The following SLC29A4 variants were observed in gnomAD, a reference collection of about 807,000 sequenced individuals.
The protein encoded by SLC29A4 is equilibrative nucleoside transporter 4.
Under a neutral mutation model 43.9 loss-of-function variants are expected in SLC29A4, and 36 were observed. The observed-to-expected ratio is 0.82, with a 90% CI of 0.63 to 1.08. SLC29A4 has a LOEUF of 1.08. SLC29A4 is among the 50% of genes least tolerant of loss of function. The pLI is 0.00. For missense variants in SLC29A4, 869 were observed against 755.3 expected, an observed-to-expected ratio of 1.15 and a Z score of -1.77; for synonymous variants, 491 against 338.0, an observed-to-expected ratio of 1.45 and a Z score of -4.97.
In SLC29A4 at chr7:5,291,940, A is replaced by C; in HGVS notation, c.544+119A>C. On this transcript the variant is annotated intron_variant, in intron 5 of 10. Transcript: ENST00000396872. ...ATGGGAACCGGGCTGGCTGGGTGCC[A>C]GGTGTGTGTCCACCTGCATGCCAGC... is the stretch of plus-strand genomic sequence containing the variant. The C allele has an allele frequency of 2.8e-6, 4 of 1,416,120 alleles. No homozygotes were observed. In the South Asian group the frequency reaches 5.6e-5, roughly 20 times the overall value. The allele number at this position is 1,416,120 out of a possible 1,614,324, so 87.7% of individuals were successfully genotyped here.
intron 7 of SLC29A4, among the ~76,000 whole-genome samples, 157 bp from the exon 8 acceptor site, chr7:5,298,831 C>T (rs1431233825): frequency 2.0e-5 from 3 of 152,100 alleles, no homozygotes; most frequent in Admixed American, 1.3e-4. Flanking sequence ...AGTGAGAGAC[C>T]TTGATAAAGT....
At chr7:5,295,894 C>G (rs1421692413) in intron 6 of SLC29A4, among the ~76,000 whole-genome samples, 1 of 152,114 alleles carries the variant, frequency 6.6e-6, no homozygotes, top group Non-Finnish European at 1.5e-5. Context: ...AAGGGCCGCG[C>G]AGAAAAGACA....
intron 10 of SLC29A4, among the ~76,000 whole-genome samples, chr7:5,301,985 C>CA (rs1786199672): frequency 1.3e-5 from 2 of 152,116 alleles, no homozygotes; most frequent in African/African-American, 2.4e-5. Context: ...GAGTCTTGCT[C>CA]TGTTCCCCAG....
chr7:5,292,414 T>A (rs1226270331), intron 5 of SLC29A4, among the ~76,000 whole-genome samples: 1 of 151,998 alleles, frequency 6.6e-6, no homozygotes, highest in East Asian at 1.9e-4. Flanking sequence ...GTGCCTGGCC[T>A]TTCAAACTTT....
At chr7:5,287,083 C>G (rs775594794) in intron 1 of SLC29A4, among the ~76,000 whole-genome samples, 11 of 152,320 alleles carry the variant, frequency 7.2e-5, no homozygotes, top group Non-Finnish European at 1.2e-4. Context: ...CCCCTCTGAC[C>G]CCTTCTCCCT....
In SLC29A4 at chr7:5,303,304, C is replaced by T. The variant is rs373923324; in HGVS notation, c.*365C>T. On this transcript the variant is annotated 3_prime_UTR_variant, in exon 11 of 11. Transcript: ENST00000396872. ...CAGCAGACACCCGCCAGAGTGTGCG[C>T]GCCCAGTGACTGCACCCCGGCCCTC... The T allele has an allele frequency of 1.3e-4, 42 of 322,638 alleles. 1 individual carries two copies. The highest frequency in any genetic ancestry group is 2.7e-4 in the East Asian group (3 of 11,230). 20.0% of individuals were successfully genotyped at this position (322,638 alleles called of 1,614,324 possible). A position where few individuals can be genotyped will look rare whatever the true frequency, so the allele number is the denominator to read the frequency against.
At chr7:5,287,121 GAC>G (rs1421837061) in intron 1 of SLC29A4, among the ~76,000 whole-genome samples, 1 of 152,194 alleles carries the variant, frequency 6.6e-6, no homozygotes, top group Non-Finnish European at 1.5e-5. Context: ...AGCACCTTGA[GAC>G]ACACCAGGTG....
In SLC29A4 at chr7:5,304,213, A is replaced by T. The variant is rs534489779; in HGVS notation, c.*1274A>T. 6.6e-6 allele frequency: 1 copy of T among 152,560 alleles called. No individual in the cohort carries two copies. The highest frequency in any genetic ancestry group is 1.9e-4 in the East Asian group (1 of 5,190). 9.5% of individuals were successfully genotyped at this position (152,560 alleles called of 1,614,324 possible). A position where few individuals can be genotyped will look rare whatever the true frequency, so the allele number is the denominator to read the frequency against. On this transcript the variant is annotated 3_prime_UTR_variant, in exon 11 of 11. Transcript: ENST00000396872. The stretch of plus-strand genomic sequence containing the variant: ...GATCAGGGAGCAGGAGGGTGTCCTC[A>T]CACTGGGTAGGCTTGGTTTGTGGGC...
intron 7 of SLC29A4, among the ~76,000 whole-genome samples, chr7:5,298,572 G>A (rs940247931): frequency 1.3e-5 from 2 of 152,106 alleles, no homozygotes; most frequent in Admixed American, 6.5e-5. Flanking sequence ...TGGGAGGATC[G>A]CTTGAGCCCA....
chr7:5,300,724 A>C (rs937487774), intron 10 of SLC29A4, 62 bp downstream of exon 10: 14 of 1,574,882 alleles, frequency 8.9e-6, no homozygotes, highest in Non-Finnish European at 1.1e-5. Flanking sequence ...CCCCCTCGCG[A>C]GGAAACCCAG....
chr7:5,299,923 G>A (rs558021932), intron 9 of SLC29A4, among the ~76,000 whole-genome samples: 82 of 152,302 alleles, frequency 5.4e-4, no homozygotes, highest in African/African-American at 1.9e-3. Flanking sequence ...GTGGTGGAGC[G>A]TGCCTATAAT....
Position 5,288,339 on chromosome 7 carries a change from T to C in SLC29A4, c.169+354T>C, listed in dbSNP as rs1407489027. 2.8e-4 allele frequency among the ~76,000 whole-genome samples: 33 copies of C among 115,960 alleles called. 1 individual carries two copies. In the South Asian group the frequency reaches 8.9e-3, roughly 31 times the overall value. 76.1% of individuals were successfully genotyped at this position (115,960 alleles called of 152,430 possible). On this transcript the variant is annotated intron_variant, in intron 2 of 10. Coordinates refer to ENST00000396872, the MANE Select transcript of SLC29A4 (RefSeq NM_153247.4). ...TTTTTTTTTTGAGACGGAGTCTCAC[T>C]CTGTCACCCGGCTGGAGTGCACTGG...
chr7:5,297,776 C>T (rs1785814950), intron 7 of SLC29A4, among the ~76,000 whole-genome samples: 1 of 152,150 alleles, frequency 6.6e-6, no homozygotes, highest in South Asian at 2.1e-4. Context: ...GAGTGGTCTC[C>T]CAGGTGGGGA....
Position 5,290,984 on chromosome 7 carries a change from C to T in SLC29A4, c.301+121C>T. 5 of 1,527,984 alleles carry T rather than the reference C, an allele frequency of 3.3e-6. No individual in the cohort carries two copies. The South Asian group carries it at 3.7e-5, about 11-fold the overall frequency. The allele number at this position is 1,527,984 out of a possible 1,614,324, so 94.7% of individuals were successfully genotyped here. ...ACCTGTTTTATTCAGATCTCGGCTC[C>T]ACTGTGAGCTGCTGAGTGACCTCAG... On this transcript the variant is annotated intron_variant, in intron 3 of 10. Transcript: ENST00000396872.
rs1485100377 is a variant in SLC29A4 at position 5,306,866 on chromosome 7, C to G, written c.*3927C>G. 5 of 120,494 alleles carry G rather than the reference C, an allele frequency of 4.1e-5. No individual in the cohort carries two copies. Among genetic ancestry groups the G allele is most frequent in the Non-Finnish European group, 8.3e-5 (5 of 60,296 alleles). The allele number at this position is 120,494 out of a possible 1,614,324, so 7.5% of individuals were successfully genotyped here. On this transcript the variant is annotated 3_prime_UTR_variant, in exon 11 of 11. Transcript: ENST00000396872. Reference sequence around the variant, plus strand: ...CAGAATTTGCCAACAAACAAAATTCCAAAAGAAACATAAAAAAAAAAACCA... The same window carrying G: ...CAGAATTTGCCAACAAACAAAATTCGAAAAGAAACATAAAAAAAAAAACCA...
chr7:5,295,782 G>T (rs1785608587), intron 6 of SLC29A4, among the ~76,000 whole-genome samples: 1 of 91,674 alleles, frequency 1.1e-5, no homozygotes, highest in Non-Finnish European at 2.6e-5. Context: ...CCACGTGGGA[G>T]GTCCTGGTTC....
chr7:5,291,014 G>C, intron 3 of SLC29A4, 110 bp from the exon 4 acceptor site: 3 of 1,527,860 alleles, frequency 2.0e-6, no homozygotes, highest in Non-Finnish European at 2.7e-6. Flanking sequence ...CCTCAGGGCA[G>C]CCACTCACCC....
At position 5,299,254 on chromosome 7, in the gene SLC29A4, C is replaced by A; in HGVS notation, c.1036C>A (p.Arg346Ser). 1 of 1,612,014 alleles carries A rather than the reference C, an allele frequency of 6.2e-7. No homozygotes were observed. The highest frequency in any genetic ancestry group is 8.5e-7 in the Non-Finnish European group (1 of 1,179,758). ...WPTFRALLLHRYVVARVIWAD... is the reference protein window; with the variant it reads ...WPTFRALLLHSYVVARVIWAD... Reference sequence around the variant, plus strand: ...CCACCCTCCAGCCCTGTTACTGCACCGCTACGTGGTGGCGCGGGTGATCTG... The same window carrying A: ...CCACCCTCCAGCCCTGTTACTGCACAGCTACGTGGTGGCGCGGGTGATCTG... The change falls in exon 9 of 11, where the codon CGC becomes AGC. Residue 346 changes from arginine (R) to serine (S), a missense_variant. Arg to Ser is a moderately radical substitution (Grantham distance 110, BLOSUM62 -1). Transcript: ENST00000396872.
intron 2 of SLC29A4, among the ~76,000 whole-genome samples, chr7:5,289,378 C>T (rs555909731): frequency 2.0e-4 from 30 of 152,074 alleles, no homozygotes; most frequent in South Asian, 4.2e-4. Flanking sequence ...GCCTGAGCAA[C>T]GGCGAGACTC....
Sources: gnomAD v4.1 joint callset for allele counts (sites outside exome capture counted in the v4.1 genomes callset) on GRCh38, gnomAD v4.1.1 for gene constraint, MANE v1.5 for transcripts, NCBI Gene and HGNC (gene_info 2026-07-23, HGNC 2026-07-21) for gene names.